The following SPAG16 variants were observed in gnomAD, a reference collection of about 807,000 sequenced individuals.
The protein encoded by SPAG16 is sperm associated antigen 16, also known as sperm-associated antigen 16 protein.
SPAG16 carries 86 observed loss-of-function variants against 80.4 expected under a neutral mutation model. That is an observed-to-expected ratio of 1.07 (90% CI 0.90 to 1.28). The LOEUF (loss-of-function observed/expected upper bound fraction) is 1.28, where lower values mean the gene tolerates loss of function less well. Among genes scored for constraint, SPAG16 ranks in the 50% most tolerant of loss-of-function variants. The pLI is 0.00. For synonymous variants in SPAG16, 294 were observed against 265.9 expected, an observed-to-expected ratio of 1.11 and a Z score of -1.03; for missense variants, 870 against 765.3, an observed-to-expected ratio of 1.14 and a Z score of -1.61.
intron 13 of SPAG16, among the ~76,000 whole-genome samples, chr2:214,097,860 G>A (rs185939549): frequency 2.0e-4 from 31 of 151,944 alleles, no homozygotes; most frequent in African/African-American, 6.8e-4. Context: ...GCTTTGTCAC[G>A]GGCAGCAATC....
intron 11 of SPAG16, among the ~76,000 whole-genome samples, chr2:213,908,748 C>T (rs997639073): frequency 1.4e-5 from 2 of 144,152 alleles, no homozygotes; most frequent in Non-Finnish European, 3.0e-5. Context: ...CAAGATCATT[C>T]TTTTTTTTTG....
chr2:213,494,291 C>A (rs1228033928), intron 10 of SPAG16, among the ~76,000 whole-genome samples: 1 of 152,184 alleles, frequency 6.6e-6, no homozygotes, highest in African/African-American at 2.4e-5. Context: ...TGATGTCTCT[C>A]CTGAGCTTGA....
At chr2:214,145,640 G>T (rs1226150987) in intron 14 of SPAG16, among the ~76,000 whole-genome samples, 1 of 152,086 alleles carries the variant, frequency 6.6e-6, no homozygotes, top group Non-Finnish European at 1.5e-5. Flanking sequence ...CTTAACAGAG[G>T]CAATCAGGAG....
At chr2:213,371,430 A>G (rs982278810) in intron 8 of SPAG16, among the ~76,000 whole-genome samples, 7 of 148,038 alleles carry the variant, frequency 4.7e-5, no homozygotes, top group African/African-American at 1.7e-4. Flanking sequence ...AAAAGAAAAG[A>G]CGATTTATTG....
chr2:214,264,244 A>C (rs1270070958), intron 15 of SPAG16, among the ~76,000 whole-genome samples: 2 of 152,138 alleles, frequency 1.3e-5, no homozygotes, highest in East Asian at 3.9e-4. Context: ...ATATTTTTCC[A>C]GTGTACCTTA....
At chr2:214,304,687 G>A (rs1018675394) in intron 15 of SPAG16, among the ~76,000 whole-genome samples, 1 of 151,926 alleles carries the variant, frequency 6.6e-6, no homozygotes, top group African/African-American at 2.4e-5. Flanking sequence ...ACTGCGTTAG[G>A]GTCTCCCCGA....
chr2:213,363,943 TA>T (rs2066135844), intron 7 of SPAG16, 132 bp from the exon 8 acceptor site: 3 of 330,384 alleles, frequency 9.1e-6, no homozygotes, highest in Non-Finnish European at 1.1e-5. Flanking sequence ...TATGTTTTAT[TA>T]AAAAAGGTAT....
chr2:214,337,735 G>T (rs1387422126), intron 15 of SPAG16, among the ~76,000 whole-genome samples: 1 of 152,140 alleles, frequency 6.6e-6, no homozygotes, highest in African/African-American at 2.4e-5. Flanking sequence ...TATTACGTTG[G>T]TAGGTTGATT....
intron 10 of SPAG16, among the ~76,000 whole-genome samples, chr2:213,549,277 ATATT>A (rs2076712723): frequency 6.6e-6 from 1 of 151,912 alleles, no homozygotes; most frequent in Non-Finnish European, 1.5e-5. Flanking sequence ...ATTTTCTCTT[ATATT>A]ATTTTCTCTA....
Position 213,710,760 on chromosome 2 carries a change from T to A in SPAG16, c.1071-151725T>A, listed in dbSNP as rs138892943. Among the ~76,000 whole-genome samples the A allele has an allele frequency of 2.4e-3, 367 of 152,244 alleles. 3 individuals are homozygous for A. Among genetic ancestry groups the A allele is most frequent in the African/African-American group, 8.4e-3 (347 of 41,530 alleles). On this transcript the variant is annotated intron_variant, in intron 10 of 15. Transcript: ENST00000331683. ...AAATCCATACCATTGTTGTTAGGAG[T>A]CCATATTAAGGGCCTATACTGGTAT...
At position 214,002,066 on chromosome 2, in the gene SPAG16, A is replaced by C. The variant is rs1168258480; in HGVS notation, c.1401-11885A>C. Among the ~76,000 whole-genome samples the C allele has an allele frequency of 2.0e-5, 3 of 152,276 alleles. No homozygotes were observed. In the South Asian group the frequency reaches 6.2e-4, roughly 32 times the overall value. Reference sequence around the variant, plus strand: ...GGGTTTCCCCTTATAAAACCATCAGATGTCTTGAGACTTATTCACTACCAA... The same window carrying C: ...GGGTTTCCCCTTATAAAACCATCAGCTGTCTTGAGACTTATTCACTACCAA... On this transcript the variant is annotated intron_variant, in intron 12 of 15. Transcript: ENST00000331683.
At chr2:213,826,573 T>C (rs1056195085) in intron 10 of SPAG16, among the ~76,000 whole-genome samples, 1 of 152,036 alleles carries the variant, frequency 6.6e-6, no homozygotes, top group Non-Finnish European at 1.5e-5. Flanking sequence ...TGTTATTGAA[T>C]TGTAGTTTTA....
intron 15 of SPAG16, among the ~76,000 whole-genome samples, chr2:214,301,465 CA>C (rs1694548784): frequency 6.6e-6 from 1 of 152,034 alleles, no homozygotes; most frequent in African/African-American, 2.4e-5. Flanking sequence ...AAGTCCTAAC[CA>C]AATCACCCAG....
rs75772583 is a variant in SPAG16 at position 213,897,479 on chromosome 2, G to T, written c.1215-32481G>T. Among the ~76,000 whole-genome samples, 1,426 of 152,134 alleles carry T rather than the reference G, an allele frequency of 9.4e-3. 30 individuals carry two copies. Among genetic ancestry groups the T allele is most frequent in the African/African-American group, 0.033 (1,358 of 41,492 alleles). On this transcript the variant is annotated intron_variant, in intron 11 of 15. Transcript: ENST00000331683. ...TGACACTTTATGATTTTGTATCTAT[G>T]ACTTTATTGTTTTCTTGGATATATT...
At chr2:213,854,874 A>C (rs1427345) in intron 10 of SPAG16, among the ~76,000 whole-genome samples, 91,949 of 152,214 alleles carry the variant, frequency 0.6, 29,150 homozygotes, top group South Asian at 0.85. Context: ...CCTAGCCCAC[A>C]AACTGGTTTT....
Position 214,407,275 on chromosome 2 carries a change from TAAC to T in SPAG16, c.1721-2861_1721-2859del, listed in dbSNP as rs771518063. ...ATTCTTGTTAAAATACTAAGCTAAA[TAAC>T]AACTTAATAATCTGTTCAGAAATTA... is the stretch of plus-strand genomic sequence containing the variant. On this transcript the variant is annotated intron_variant, in intron 15 of 15. Coordinates refer to ENST00000331683, the MANE Select transcript of SPAG16 (RefSeq NM_024532.5). Among the ~76,000 whole-genome samples the T allele has an allele frequency of 3.3e-5, 5 of 152,206 alleles. No homozygotes were observed. The East Asian group carries it at 9.6e-4, about 29-fold the overall frequency.
intron 9 of SPAG16, among the ~76,000 whole-genome samples, chr2:213,447,110 A>G (rs887877204): frequency 2.0e-5 from 3 of 152,166 alleles, no homozygotes; most frequent in African/African-American, 7.2e-5. Context: ...AATGCCTCAT[A>G]TGGTTTAGTA....
chr2:213,752,452 A>T (rs2068120607), intron 10 of SPAG16, among the ~76,000 whole-genome samples: 1 of 152,182 alleles, frequency 6.6e-6, no homozygotes, highest in African/African-American at 2.4e-5. Context: ...CTGTAGTTAT[A>T]ATAAATAGTA....
chr2:214,191,646 G>A (rs991436286), intron 15 of SPAG16, among the ~76,000 whole-genome samples: 2 of 145,060 alleles, frequency 1.4e-5, no homozygotes, highest in African/African-American at 5.2e-5. Context: ...CTTGGGAGGC[G>A]AAGGTTGCAG....
Sources: gnomAD v4.1 joint callset for allele counts (sites outside exome capture counted in the v4.1 genomes callset) on GRCh38, gnomAD v4.1.1 for gene constraint, MANE v1.5 for transcripts, NCBI Gene and HGNC (gene_info 2026-07-23, HGNC 2026-07-21) for gene names.